NXN: variants seen among roughly 807,000 people sequenced by gnomAD.
The protein encoded by NXN is nucleoredoxin.
Under a neutral mutation model 48.6 loss-of-function variants are expected in NXN, and 16 were observed. That is an observed-to-expected ratio of 0.33 (90% CI 0.22 to 0.50). The LOEUF (loss-of-function observed/expected upper bound fraction) is 0.50, where lower values mean the gene tolerates loss of function less well. Ranked by LOEUF, NXN falls within the 20% of genes least tolerant of loss-of-function variation. The probability of loss-of-function intolerance (pLI) is 0.98; values close to 1 mark genes in which losing one functional copy is unlikely to be tolerated. For missense variants in NXN, 492 were observed against 605.5 expected, an observed-to-expected ratio of 0.81 and a Z score of 1.97; for synonymous variants, 281 against 269.6, an observed-to-expected ratio of 1.04 and a Z score of -0.41.
intron 1 of NXN, chr17:907,869 G>A (rs910516863): frequency 5.3e-5 from 8 of 152,136 alleles, no homozygotes; most frequent in African/African-American, 1.9e-4. Flanking sequence ...ATCTATCTTT[G>A]TTGGCTTCAT....
intron 1 of NXN, among the ~76,000 whole-genome samples, chr17:834,532 A>T (rs1459285677): frequency 6.6e-6 from 1 of 152,114 alleles, no homozygotes. Context: ...CTCCTGCCTC[A>T]GCCTCCTGAG....
At chr17:833,436 C>G (rs547023376) in intron 1 of NXN, among the ~76,000 whole-genome samples, 95 of 152,138 alleles carry the variant, frequency 6.2e-4, no homozygotes, top group African/African-American at 1.6e-3. Flanking sequence ...AGCCCGGAAA[C>G]CAAAAAATGC....
chr17:816,211 C>T (rs1179508047), intron 5 of NXN, among the ~76,000 whole-genome samples: 1 of 152,158 alleles, frequency 6.6e-6, no homozygotes, highest in African/African-American at 2.4e-5. Flanking sequence ...CAGGCAGTCA[C>T]GTCGCTTTTA....
chr17:917,298 T>G lies in NXN; in HGVS notation c.360+62021A>C, dbSNP rs532609588. ...CTGGGACTACAGGCGCCCGCCACCATGCCCAGCTAATTTTTTGTATTTTTA... is the reference window on the plus strand; with the variant it reads ...CTGGGACTACAGGCGCCCGCCACCAGGCCCAGCTAATTTTTTGTATTTTTA... On this transcript the variant is annotated intron_variant, in intron 1 of 7. Transcript: ENST00000336868. The surrounding 1 kb of genome is among the most constrained non-coding windows in gnomAD (Gnocchi z 4.5). Among the ~76,000 whole-genome samples the G allele has an allele frequency of 7.2e-5, 11 of 152,176 alleles. No homozygotes were observed. Among genetic ancestry groups the G allele is most frequent in the Non-Finnish European group, 1.2e-4 (8 of 68,030 alleles).
At chr17:971,309 T>G (rs978405682) in intron 1 of NXN, among the ~76,000 whole-genome samples, 1 of 152,176 alleles carries the variant, frequency 6.6e-6, no homozygotes, top group African/African-American at 2.4e-5. Context: ...CTTTTTCCTA[T>G]TTTTGAGCAC....
intron 1 of NXN, among the ~76,000 whole-genome samples, chr17:892,421 C>T (rs1169441147): frequency 6.6e-6 from 1 of 152,164 alleles, no homozygotes; most frequent in African/African-American, 2.4e-5. Context: ...TTACAGCTGA[C>T]CCTCTTCCCA....
intron 1 of NXN, among the ~76,000 whole-genome samples, chr17:924,395 G>T (rs114740582): frequency 2.0e-5 from 3 of 152,100 alleles, no homozygotes. Flanking sequence ...GAGCCACTAC[G>T]TCCGGCTAAT....
At chr17:856,373 G>A (rs1339690257) in intron 1 of NXN, among the ~76,000 whole-genome samples, 1 of 152,092 alleles carries the variant, frequency 6.6e-6, no homozygotes, top group Non-Finnish European at 1.5e-5. Flanking sequence ...TTCCCTCTGG[G>A]ACTCTGGCTG....
In NXN at chr17:959,524, C is replaced by T. The variant is rs1312419139; in HGVS notation, c.360+19795G>A. ...AAAAAAAGGTGAAATAGGCCAGGCG[C>T]AGTGGCTCACACCTGTAATCCCAGC... On this transcript the variant is annotated intron_variant, in intron 1 of 7. Coordinates refer to ENST00000336868, the MANE Select transcript of NXN (RefSeq NM_022463.5). Among the ~76,000 whole-genome samples, 12 of 151,422 alleles carry T rather than the reference C, an allele frequency of 7.9e-5. No individual in the cohort carries two copies. The East Asian group carries it at 2.3e-3, about 29-fold the overall frequency.
At chr17:885,672 C>CTTTTTTT (rs532225883) in intron 1 of NXN, among the ~76,000 whole-genome samples, 2,523 of 83,578 alleles carry the variant, frequency 0.03, 289 homozygotes, top group Non-Finnish European at 0.041. Flanking sequence ...GCGGTACTCG[C>CTTTTTTT]TTTTTTTTTT....
intron 1 of NXN, among the ~76,000 whole-genome samples, chr17:968,997 A>C (rs899501435): frequency 1.3e-5 from 2 of 152,234 alleles, no homozygotes; most frequent in Middle Eastern, 3.4e-3. Flanking sequence ...AAAAAAATGA[A>C]GAGAAACCAG....
At chr17:888,886 T>G (rs1306875555) in intron 1 of NXN, among the ~76,000 whole-genome samples, 1 of 141,036 alleles carries the variant, frequency 7.1e-6, no homozygotes, top group Non-Finnish European at 1.5e-5. Context: ...ACCCAGGAGG[T>G]GGAGGTTGCT....
chr17:959,392 G>A (rs1597278039), intron 1 of NXN: 2 of 213,836 alleles, frequency 9.4e-6, no homozygotes, highest in East Asian at 9.9e-5. Context: ...GCCAGAGCGG[G>A]AGAACGGGCA....
intron 1 of NXN, among the ~76,000 whole-genome samples, chr17:869,035 G>A (rs1313186399): frequency 1.3e-5 from 2 of 152,196 alleles, no homozygotes; most frequent in African/African-American, 4.8e-5. Flanking sequence ...CACTGCAGAC[G>A]CCAGGTGGTG....
At chr17:976,768 C>CTTT (rs397962595) in intron 1 of NXN, among the ~76,000 whole-genome samples, 13 of 142,556 alleles carry the variant, frequency 9.1e-5, no homozygotes, top group African/African-American at 3.1e-4. Flanking sequence ...AAAATAATTC[C>CTTT]TTTTTTTTTT....
chr17:923,819 T>TGATGAAACATCAAGCAAGAGTGAA (rs1234215772), intron 1 of NXN, among the ~76,000 whole-genome samples: 1 of 152,194 alleles, frequency 6.6e-6, no homozygotes. Flanking sequence ...GGGTCAGGAA[T>TGATGAAACATCAAGCAAGAGTGAA]GATGAAACAT....
At position 932,110 on chromosome 17, in the gene NXN, C is replaced by T. The variant is rs1225589683; in HGVS notation, c.360+47209G>A. On this transcript the variant is annotated intron_variant, in intron 1 of 7. Transcript: ENST00000336868. The surrounding 1 kb of genome is among the most constrained non-coding windows in gnomAD (Gnocchi z 4.1). ...AGTGAGCTGAGATTGCACCACTGCA[C>T]TCCAGCCTGGGCAATAGAGCAAGAC... Among the ~76,000 whole-genome samples, 1 of 152,198 alleles carries T rather than the reference C, an allele frequency of 6.6e-6. No individual in the cohort carries two copies. Among genetic ancestry groups the T allele is most frequent in the Non-Finnish European group, 1.5e-5 (1 of 68,034 alleles).
intron 1 of NXN, among the ~76,000 whole-genome samples, chr17:963,258 A>T (rs558318025): frequency 2.3e-4 from 33 of 142,902 alleles, no homozygotes; most frequent in Non-Finnish European, 4.1e-4. Flanking sequence ...ATTTTATTTG[A>T]AATTTTTTTT....
chr17:979,279 T>TGGGGGGCGGGCAGGGGTAACGGGCGC, intron 1 of NXN, 40 bp downstream of exon 1: 1 of 713,972 alleles, frequency 1.4e-6, no homozygotes, highest in Non-Finnish European at 1.7e-6. Flanking sequence ...GTAACGGGCG[T>TGGGGGGCGGGCAGGGGTAACGGGCGC]GGGGGGCGGG....
Sources: gnomAD v4.1 joint callset for allele counts (sites outside exome capture counted in the v4.1 genomes callset) on GRCh38, gnomAD v4.1.1 for gene constraint, Gnocchi (gnomAD v3.1) non-coding constraint, MANE v1.5 for transcripts, NCBI Gene and HGNC (gene_info 2026-07-23, HGNC 2026-07-21) for gene names.